MTAP: variants seen among roughly 807,000 people sequenced by gnomAD.
MTAP encodes S-methyl-5'-thioadenosine phosphorylase.
Under a neutral mutation model 33.6 loss-of-function variants are expected in MTAP, and 33 were observed. That is an observed-to-expected ratio of 0.98 (90% CI 0.74 to 1.31). MTAP has a LOEUF of 1.31. MTAP is among the 40% of genes most tolerant of loss of function. The probability of loss-of-function intolerance (pLI) is 0.00; values close to 1 mark genes in which losing one functional copy is unlikely to be tolerated. For missense variants in MTAP, 367 were observed against 360.0 expected (o/e 1.02, Z -0.16); for synonymous variants, 148 against 125.7 (o/e 1.18, Z -1.19).
At chr9:21,810,771 A>G (rs1364690504) in intron 1 of MTAP, among the ~76,000 whole-genome samples, 2 of 152,200 alleles carry the variant, frequency 1.3e-5, no homozygotes, top group African/African-American at 2.4e-5. Flanking sequence ...ACTTCAACCT[A>G]TGAACTTAGG....
intron 1 of MTAP, among the ~76,000 whole-genome samples, chr9:21,887,711 A>G (rs1818136187): frequency 1.3e-5 from 2 of 152,176 alleles, no homozygotes; most frequent in African/African-American, 2.4e-5. Context: ...TGGTTGAACT[A>G]GTTTACAGTC....
intron 1 of MTAP, among the ~76,000 whole-genome samples, chr9:21,920,293 C>T (rs1299540200): frequency 6.6e-6 from 1 of 152,088 alleles, no homozygotes; most frequent in African/African-American, 2.4e-5. Context: ...ACAGTGCCCA[C>T]CTAAGAAGAC....
At chr9:21,815,346 G>GC (rs1419983623) in intron 1 of MTAP, 87 bp from the exon 2 acceptor site, 4 of 871,928 alleles carry the variant, frequency 4.6e-6, no homozygotes, top group Non-Finnish European at 7.1e-6. Flanking sequence ...ATGGAGAAGA[G>GC]CATATGAATA....
chr9:21,870,802 GA>G (rs1446151279), downstream of MTAP, among the ~76,000 whole-genome samples: 1 of 144,834 alleles, frequency 6.9e-6, no homozygotes, highest in Non-Finnish European at 1.5e-5. Context: ...TTTTGAGATG[GA>G]TTCTCTGTCT....
At chr9:21,819,360 A>G (rs1303541476) in intron 4 of MTAP, among the ~76,000 whole-genome samples, 1 of 152,068 alleles carries the variant, frequency 6.6e-6, no homozygotes, top group Non-Finnish European at 1.5e-5. Flanking sequence ...CTCATTGTTC[A>G]GTTCCCACCT....
At chr9:21,886,914 T>C (rs973764435) in intron 1 of MTAP, among the ~76,000 whole-genome samples, 2 of 152,228 alleles carry the variant, frequency 1.3e-5, no homozygotes, top group African/African-American at 4.8e-5. Context: ...TTGCTTTGGC[T>C]ATGTGGGCTA....
chr9:21,925,944 T>C (rs960667484), intron 1 of MTAP, among the ~76,000 whole-genome samples: 2 of 152,214 alleles, frequency 1.3e-5, no homozygotes, highest in African/African-American at 4.8e-5. Flanking sequence ...ACTCCTCATC[T>C]TTGCTGCCTG....
intron 4 of MTAP, among the ~76,000 whole-genome samples, chr9:21,833,634 CA>C (rs1484773649): frequency 1.3e-5 from 2 of 152,192 alleles, no homozygotes; most frequent in African/African-American, 4.8e-5. Flanking sequence ...TCCTTATGAG[CA>C]GCCGTTATTC....
intron 1 of MTAP, among the ~76,000 whole-genome samples, chr9:21,887,888 G>A (rs1360030781): frequency 1.3e-5 from 2 of 152,152 alleles, no homozygotes; most frequent in Non-Finnish European, 1.5e-5. Flanking sequence ...GGGGGTTGCA[G>A]CTATTGTAAA....
intron 4 of MTAP, among the ~76,000 whole-genome samples, chr9:21,823,196 G>T (rs1371492858): frequency 6.6e-6 from 1 of 152,174 alleles, no homozygotes; most frequent in Non-Finnish European, 1.5e-5. Context: ...TATTTTGGTC[G>T]TTAGTTGATG....
intron 1 of MTAP, among the ~76,000 whole-genome samples, chr9:21,881,288 C>T (rs567024142): frequency 1.6e-4 from 24 of 152,054 alleles, no homozygotes; most frequent in African/African-American, 5.8e-4. Flanking sequence ...ACAAGACCAA[C>T]AACCATGAAA....
At chr9:21,905,350 C>G (rs1421068275) in intron 1 of MTAP, among the ~76,000 whole-genome samples, 3 of 152,112 alleles carry the variant, frequency 2.0e-5, no homozygotes, top group African/African-American at 7.2e-5. Context: ...TTTTTACAGG[C>G]ACAGGATGGG....
At chr9:21,901,287 CT>C (rs1229762995) in intron 1 of MTAP, among the ~76,000 whole-genome samples, 2 of 152,142 alleles carry the variant, frequency 1.3e-5, no homozygotes, top group Non-Finnish European at 2.9e-5. Flanking sequence ...GTTAGTTCTC[CT>C]TAATATAAAC....
chr9:21,911,819 C>G (rs1231227988), intron 1 of MTAP, among the ~76,000 whole-genome samples: 1 of 151,752 alleles, frequency 6.6e-6, no homozygotes, highest in Non-Finnish European at 1.5e-5. Context: ...AAAAACCCAT[C>G]AAAAAAATCA....
chr9:21,923,737 A>C (rs572795422), intron 1 of MTAP, among the ~76,000 whole-genome samples: 4 of 152,190 alleles, frequency 2.6e-5, no homozygotes. Context: ...AAGGGAGGGA[A>C]GTGCAGCCTC....
chr9:21,819,307 G>C (rs1322011974), intron 4 of MTAP, among the ~76,000 whole-genome samples: 1 of 151,912 alleles, frequency 6.6e-6, no homozygotes, highest in Non-Finnish European at 1.5e-5. Context: ...AACCCCACAA[G>C]AGGCCCTGGT....
At chr9:21,849,832 G>A (rs1055946723) in intron 5 of MTAP, among the ~76,000 whole-genome samples, 7 of 152,210 alleles carry the variant, frequency 4.6e-5, no homozygotes, top group African/African-American at 1.7e-4. Context: ...AATTGCAGCT[G>A]TTGTACCAGA....
intron 4 of MTAP, among the ~76,000 whole-genome samples, chr9:21,820,220 G>A (rs1824597114): frequency 6.6e-6 from 1 of 152,172 alleles, no homozygotes; most frequent in South Asian, 2.1e-4. Flanking sequence ...CCTTCCCCAT[G>A]CCTATGTCCT....
At chr9:21,802,900 G>T in intron 1 of MTAP, 119 bp downstream of exon 1, 1 of 1,479,338 alleles carries the variant, frequency 6.8e-7, no homozygotes, top group Non-Finnish European at 8.9e-7. Context: ...TGCCGCCGCG[G>T]GGAGGGACTG....
Sources: allele counts gnomAD v4.1 joint callset (sites outside exome capture counted in the v4.1 genomes callset), GRCh38; gene constraint gnomAD v4.1.1; transcripts MANE v1.5; gene names NCBI Gene and HGNC (gene_info 2026-07-23, HGNC 2026-07-21).